Variants in KIAA1671 observed in about 807,000 individuals in gnomAD.
KIAA1671 encodes KIAA1671, also known as uncharacterized protein KIAA1671.
A neutral mutation model predicts 131.2 loss-of-function variants in KIAA1671; 52 were observed. The observed-to-expected ratio is 0.40, with a 90% CI of 0.32 to 0.50. KIAA1671 has a LOEUF of 0.50. Among genes scored for constraint, KIAA1671 ranks in the 20% least tolerant of loss-of-function variants. The pLI is 0.73. For synonymous variants in KIAA1671, 1,003 were observed against 961.6 expected, an observed-to-expected ratio of 1.04 and a Z score of -0.80; for missense variants, 2,360 against 2,364.2, an observed-to-expected ratio of 1.00 and a Z score of 0.04.
At position 25,174,229 on chromosome 22, in the gene KIAA1671, T is replaced by A. The variant is rs542917753; in HGVS notation, c.4650-11T>A. The A allele has an allele frequency of 1.0e-5, 16 of 1,550,780 alleles. No homozygotes were observed. In the African/African-American group the frequency reaches 1.6e-4, roughly 16 times the overall value. On this transcript the variant is annotated splice_polypyrimidine_tract_variant and intron_variant, in intron 7 of 12. Coordinates refer to ENST00000358431, the MANE Select transcript of KIAA1671 (RefSeq NM_001145206.2). ...CATAACCATGTCTCCCTTCATTCCC[T>A]TTTTTGGCAGCTTGGCCACTGAGTC... is the stretch of plus-strand genomic sequence containing the variant.
chr22:24,982,460 T>C (rs1171718138), intron 1 of KIAA1671, among the ~76,000 whole-genome samples: 1 of 152,230 alleles, frequency 6.6e-6, no homozygotes, highest in Non-Finnish European at 1.5e-5. Flanking sequence ...TGCTATTTAA[T>C]GTCCATTCTC....
intron 1 of KIAA1671, among the ~76,000 whole-genome samples, chr22:24,981,487 A>T (rs1433331417): frequency 6.6e-6 from 1 of 152,190 alleles, no homozygotes; most frequent in Non-Finnish European, 1.5e-5. Context: ...TGCCTGAGAC[A>T]TGACTCTTAG....
At chr22:25,161,274 G>A (rs2037141287) in intron 6 of KIAA1671, among the ~76,000 whole-genome samples, 1 of 152,202 alleles carries the variant, frequency 6.6e-6, no homozygotes, top group South Asian at 2.1e-4. Context: ...CACATTCAAC[G>A]AGTCATACAA....
chr22:25,039,187 C>T lies in KIAA1671; in HGVS notation c.2057C>T (p.Pro686Leu). 1.3e-6 allele frequency: 2 copies of T among 1,552,102 alleles called. No individual in the cohort carries two copies. The highest frequency in any genetic ancestry group is 2.4e-5 in the South Asian group (2 of 84,068). Residue 686 changes from proline (P) to leucine (L), a missense_variant, in exon 5 of 13, where the codon CCA becomes CTA. Coordinates refer to ENST00000358431, the MANE Select transcript of KIAA1671 (RefSeq NM_001145206.2). ...AATCCCGAGACGGAGAAATTGGGAC[C>T]AACCACCCTTTTGAATGGTGAACTG... The part of the protein sequence containing the change: ...FDNPETEKLG[P>L]TTLLNGELRP...
chr22:25,006,913 C>T (rs1383551878), intron 1 of KIAA1671, among the ~76,000 whole-genome samples: 1 of 152,182 alleles, frequency 6.6e-6, no homozygotes, highest in Non-Finnish European at 1.5e-5. Context: ...AACTTAATCA[C>T]ATCTGCAAAG....
intron 1 of KIAA1671, among the ~76,000 whole-genome samples, chr22:24,962,691 CTAGTATTATTAT>C: frequency 6.6e-6 from 1 of 152,264 alleles, no homozygotes; most frequent in South Asian, 2.1e-4. Flanking sequence ...GTTAGGATTA[CTAGTATTATTAT>C]TAGTCTACGG....
chr22:25,106,993 A>G (rs1215221552), intron 6 of KIAA1671, among the ~76,000 whole-genome samples: 1 of 152,224 alleles, frequency 6.6e-6, no homozygotes, highest in African/African-American at 2.4e-5. Flanking sequence ...CACTAACTAT[A>G]GGGTCAAAAG....
intron 6 of KIAA1671, among the ~76,000 whole-genome samples, chr22:25,134,555 G>A (rs1932588943): frequency 6.6e-6 from 1 of 152,194 alleles, no homozygotes; most frequent in Non-Finnish European, 1.5e-5. Flanking sequence ...AAATGTCTCT[G>A]ACTTACACAG....
intron 11 of KIAA1671, among the ~76,000 whole-genome samples, chr22:25,188,258 G>A (rs888566261): frequency 3.5e-4 from 53 of 152,116 alleles, no homozygotes; most frequent in Non-Finnish European, 5.6e-4. Flanking sequence ...CCGAGATGGC[G>A]CCACTGCACT....
At chr22:25,001,465 G>A (rs1421684990) in intron 1 of KIAA1671, among the ~76,000 whole-genome samples, 1 of 152,050 alleles carries the variant, frequency 6.6e-6, no homozygotes, top group Non-Finnish European at 1.5e-5. Context: ...GTTTACAGTG[G>A]CATTTTGGAA....
intron 1 of KIAA1671, among the ~76,000 whole-genome samples, chr22:24,974,430 G>A (rs1922802878): frequency 1.3e-5 from 2 of 152,118 alleles, no homozygotes; most frequent in Non-Finnish European, 2.9e-5. Flanking sequence ...TGAGGAAAGT[G>A]AGGTGGAGAG....
At chr22:25,179,659 A>C in intron 9 of KIAA1671, 1 of 644,562 alleles carries the variant, frequency 1.6e-6, no homozygotes, top group South Asian at 1.9e-5. Context: ...CTTATCAGAA[A>C]CTAGGTAAAA....
intron 1 of KIAA1671, 58 bp from the exon 2 acceptor site, chr22:25,025,569 TGTGCCG>T (rs1925904162): frequency 6.6e-6 from 1 of 152,234 alleles, no homozygotes; most frequent in Non-Finnish European, 1.5e-5. Context: ...TGAAAGCTTT[TGTGCCG>T]TCTGTTCCCA....
intron 6 of KIAA1671, among the ~76,000 whole-genome samples, chr22:25,066,078 G>A (rs1465628242): frequency 6.6e-6 from 1 of 152,154 alleles, no homozygotes; most frequent in East Asian, 1.9e-4. Context: ...GTTTTCTCAT[G>A]TGGAAATGAG....
intron 6 of KIAA1671, among the ~76,000 whole-genome samples, chr22:25,073,990 A>C (rs1179958685): frequency 6.6e-6 from 1 of 152,162 alleles, no homozygotes; most frequent in Non-Finnish European, 1.5e-5. Flanking sequence ...CACTGCGCCC[A>C]GTCCTGCCCC....
chr22:24,997,716 G>A (rs1924213795), intron 1 of KIAA1671, among the ~76,000 whole-genome samples: 1 of 152,140 alleles, frequency 6.6e-6, no homozygotes, highest in East Asian at 1.9e-4. Context: ...TTTGGGGTTT[G>A]CCTCCTTAAG....
intron 1 of KIAA1671, among the ~76,000 whole-genome samples, chr22:24,960,596 T>G (rs1602027345): frequency 6.8e-6 from 1 of 147,744 alleles, no homozygotes; most frequent in Non-Finnish European, 1.5e-5. Context: ...GTGCATGAGG[T>G]GCTATGAGCT....
intron 6 of KIAA1671, among the ~76,000 whole-genome samples, chr22:25,079,934 T>G (rs527734901): frequency 2.5e-4 from 38 of 151,652 alleles, no homozygotes; most frequent in Non-Finnish European, 4.4e-4. Context: ...AGGTGGGAGA[T>G]GATGGCCGCT....
At chr22:25,071,451 T>C (rs1928813189) in intron 6 of KIAA1671, among the ~76,000 whole-genome samples, 1 of 152,216 alleles carries the variant, frequency 6.6e-6, no homozygotes, top group Non-Finnish European at 1.5e-5. Flanking sequence ...GTCCATATTG[T>C]TCAATCATTG....
Sources: gnomAD v4.1 joint callset for allele counts (sites outside exome capture counted in the v4.1 genomes callset) on GRCh38, gnomAD v4.1.1 for gene constraint, MANE v1.5 for transcripts, NCBI Gene and HGNC (gene_info 2026-07-23, HGNC 2026-07-21) for gene names.